The following AHI1 variants were observed in gnomAD, a reference collection of about 807,000 sequenced individuals.
AHI1 encodes the protein Abelson helper integration site 1, also known as jouberin.
A neutral mutation model predicts 149.3 loss-of-function variants in AHI1; 123 were observed. The ratio of observed to expected loss-of-function variants is 0.82; its 90% CI spans 0.71 to 0.96. The LOEUF (loss-of-function observed/expected upper bound fraction) is 0.96. Among genes scored for constraint, AHI1 ranks in the 40% least tolerant of loss-of-function variants. The pLI, the probability that AHI1 is intolerant of heterozygous loss-of-function variation, is 0.00. For missense variants in AHI1, 1,439 were observed against 1,422.7 expected (o/e 1.01, Z -0.18); for synonymous variants, 475 against 459.8 (o/e 1.03, Z -0.42).
intron 22 of AHI1, among the ~76,000 whole-genome samples, chr6:135,404,355 T>C (rs142282859): frequency 6.6e-6 from 1 of 152,338 alleles, no homozygotes; most frequent in Non-Finnish European, 1.5e-5. Flanking sequence ...ATCGAGAGCC[T>C]TTTTGTACAC....
chr6:135,429,807 C>T lies in AHI1; in HGVS notation c.2492+75G>A, dbSNP rs1266875018. The T allele has an allele frequency of 4.1e-5, 38 of 936,344 alleles. 1 individual carries two copies. The highest frequency in any genetic ancestry group is 6.0e-4 in the Middle Eastern group (2 of 3,308). 58.0% of individuals were successfully genotyped at this position (936,344 alleles called of 1,614,324 possible). On this transcript the variant is annotated intron_variant, in intron 18 of 28. Transcript: ENST00000265602. ...ACACTGCTTAGTTGAGAACCACTAC[C>T]GAATTTTATAAATATAATTTAATTC... is the stretch of plus-strand genomic sequence containing the variant.
intron 15 of AHI1, among the ~76,000 whole-genome samples, chr6:135,434,783 T>C (rs948639328): frequency 1.3e-5 from 2 of 151,816 alleles, no homozygotes; most frequent in Non-Finnish European, 2.9e-5. Flanking sequence ...CAAAAATTAC[T>C]AGATTTGGGA....
At chr6:135,355,019 T>C (rs1176529582) in intron 24 of AHI1, among the ~76,000 whole-genome samples, 1 of 152,178 alleles carries the variant, frequency 6.6e-6, no homozygotes, top group African/African-American at 2.4e-5. Flanking sequence ...GATAATCAAC[T>C]TCCACAATGT....
chr6:135,304,020 T>C (rs967481652), intron 26 of AHI1, among the ~76,000 whole-genome samples: 2 of 152,224 alleles, frequency 1.3e-5, no homozygotes, highest in Non-Finnish European at 2.9e-5. Flanking sequence ...AATGTATGTA[T>C]GTATATATTT....
At chr6:135,405,150 A>T (rs1780579461) in intron 21 of AHI1, among the ~76,000 whole-genome samples, 173 bp from the exon 22 acceptor site, 1 of 152,194 alleles carries the variant, frequency 6.6e-6, no homozygotes, top group Admixed American at 6.5e-5. Flanking sequence ...AGACTTAATG[A>T]CATGTTCAAG....
At chr6:135,339,643 G>A (rs1203249950) in intron 24 of AHI1, among the ~76,000 whole-genome samples, 1 of 152,038 alleles carries the variant, frequency 6.6e-6, no homozygotes, top group Non-Finnish European at 1.5e-5. Context: ...AGGAACAGAA[G>A]GAAAATAGAA....
In AHI1 at chr6:135,455,820, A is replaced by C; in HGVS notation, c.1258T>G (p.Trp420Gly). The C allele has an allele frequency of 1.2e-6, 2 of 1,600,710 alleles. No homozygotes were observed. Among genetic ancestry groups the C allele is most frequent in the Non-Finnish European group, 1.7e-6 (2 of 1,172,392 alleles). Residue 420 changes from tryptophan (W) to glycine (G), a missense_variant, in exon 10 of 29, where the codon TGG (tryptophan) becomes GGG (glycine). Trp to Gly is a radical substitution (Grantham distance 184). Coordinates refer to ENST00000265602, the MANE Select transcript of AHI1 (RefSeq NM_001134831.2). ...FKQLKSRLPE[W>G]EEQIVFNENF... is the part of the protein sequence containing the mutation. Reference sequence around the variant, plus strand: ...TCATTAAATACAATTTGTTCTTCCCACTCTGGAAGTCTTGATTTTAACTGT... The same window carrying C: ...TCATTAAATACAATTTGTTCTTCCCCCTCTGGAAGTCTTGATTTTAACTGT...
chr6:135,311,599 C>T (rs1785219663), intron 26 of AHI1, among the ~76,000 whole-genome samples: 1 of 151,902 alleles, frequency 6.6e-6, no homozygotes, highest in Non-Finnish European at 1.5e-5. Flanking sequence ...AATAACTTTC[C>T]TCCCCAAATA....
chr6:135,448,358 T>G lies in AHI1; in HGVS notation c.1558A>C (p.Lys520Gln). 1 of 1,611,504 alleles carries G rather than the reference T, an allele frequency of 6.2e-7. No individual in the cohort carries two copies. Among genetic ancestry groups the G allele is most frequent in the East Asian group, 2.2e-5 (1 of 44,858 alleles). ...GATGGGTAATGATTTCTTGGACATTTTGACCACCATTCAAATGCCTCAACA... is the reference window on the plus strand; with the variant it reads ...GATGGGTAATGATTTCTTGGACATTGTGACCACCATTCAAATGCCTCAACA... ...SVVEAFEWWS[K>Q]CPRNHYPSTL... Residue 520 changes from lysine to glutamine, a missense_variant, in exon 12 of 29, where the codon AAA becomes CAA. Coordinates refer to ENST00000265602, the MANE Select transcript of AHI1 (RefSeq NM_001134831.2).
Position 135,427,209 on chromosome 6 carries a change from C to A in AHI1, c.2722G>T (p.Gly908Trp). ...TACAGAAGAATTGGCTCATTTTGCC[C>A]AAATGCACAGAATGCAACCATATTT... is the stretch of plus-strand genomic sequence containing the variant. ...FENMVAFCAFGQNEPILLYIY... is the reference protein window; with the variant it reads ...FENMVAFCAFWQNEPILLYIY... The change falls in exon 20 of 29, where the codon GGG becomes TGG. Residue 908 changes from glycine to tryptophan, a missense_variant. Physicochemically the swap from Gly to Trp is radical, Grantham distance 184. Transcript: ENST00000265602. 1 of 1,610,490 alleles carries A rather than the reference C, an allele frequency of 6.2e-7. No individual in the cohort carries two copies. Among genetic ancestry groups the A allele is most frequent in the Non-Finnish European group, 8.5e-7 (1 of 1,177,714 alleles).
At chr6:135,428,961 A>G (rs1386498491) in intron 18 of AHI1, among the ~76,000 whole-genome samples, 1 of 151,708 alleles carries the variant, frequency 6.6e-6, no homozygotes, top group Non-Finnish European at 1.5e-5. Flanking sequence ...ATAATTTAGC[A>G]AGAGAGGAGA....
chr6:135,285,648 C>T lies in AHI1; in HGVS notation c.3589-1G>A. The T allele has an allele frequency of 6.2e-7, 1 of 1,605,958 alleles. No individual in the cohort carries two copies. Among genetic ancestry groups the T allele is most frequent in the South Asian group, 1.1e-5 (1 of 89,990 alleles). ...CTCTTAACTTTTCTTCAATTCTTTA[C>T]TGGAAAGAAAAATACACAAAATGTA... On this transcript the variant is annotated splice_acceptor_variant, in intron 28 of 28. Coordinates refer to ENST00000265602, the MANE Select transcript of AHI1 (RefSeq NM_001134831.2). LOFTEE classifies it high-confidence loss of function.
chr6:135,472,409 T>C (rs1427475461), intron 5 of AHI1, among the ~76,000 whole-genome samples: 2 of 152,260 alleles, frequency 1.3e-5, no homozygotes, highest in Admixed American at 1.3e-4. Context: ...TACAGTTATA[T>C]GCCACATTTT....
intron 24 of AHI1, among the ~76,000 whole-genome samples, chr6:135,327,257 G>C (rs1463345911): frequency 6.6e-6 from 1 of 152,154 alleles, no homozygotes; most frequent in African/African-American, 2.4e-5. Flanking sequence ...AACTACAAAT[G>C]TGTAATGCCT....
At chr6:135,387,016 G>A (rs1437092303) in intron 23 of AHI1, among the ~76,000 whole-genome samples, 1 of 152,032 alleles carries the variant, frequency 6.6e-6, no homozygotes, top group African/African-American at 2.4e-5. Context: ...TTGAGCAGCT[G>A]GGACTATAGG....
At chr6:135,326,608 T>C (rs1582596408) in intron 24 of AHI1, among the ~76,000 whole-genome samples, 1 of 152,040 alleles carries the variant, frequency 6.6e-6, no homozygotes, top group South Asian at 2.1e-4. Context: ...TTGCCCAGGC[T>C]GGAGTGCAGT....
At chr6:135,462,327 C>T (rs1449152388) in intron 8 of AHI1, among the ~76,000 whole-genome samples, 1 of 151,664 alleles carries the variant, frequency 6.6e-6, no homozygotes, top group Non-Finnish European at 1.5e-5. Flanking sequence ...TAAGAGAAAA[C>T]AAACAAGAAA....
chr6:135,364,235 G>A (rs900691289), intron 23 of AHI1, among the ~76,000 whole-genome samples: 1 of 151,058 alleles, frequency 6.6e-6, no homozygotes, highest in Non-Finnish European at 1.5e-5. Flanking sequence ...GGGCAGAGAC[G>A]CTCCTCACAT....
At chr6:135,490,564 CCATATCTGCATTTTATGCG>C (rs1274543020) in intron 5 of AHI1, 40 bp downstream of exon 5, 1 of 1,585,682 alleles carries the variant, frequency 6.3e-7, no homozygotes, top group Non-Finnish European at 8.6e-7. Context: ...TAAAATGCAG[CCATATCTGCATTTTATGCG>C]CATATGTAAA....
Sources: gnomAD v4.1 joint callset for allele counts (sites outside exome capture counted in the v4.1 genomes callset) on GRCh38, gnomAD v4.1.1 for gene constraint, MANE v1.5 for transcripts, NCBI Gene and HGNC (gene_info 2026-07-23, HGNC 2026-07-21) for gene names.